Variants in INVS observed in about 807,000 individuals in gnomAD.
The protein encoded by INVS is inversin.
INVS carries 86 observed loss-of-function variants against 108.8 expected under a neutral mutation model. That is an observed-to-expected ratio of 0.79 (90% CI 0.66 to 0.95). The LOEUF (loss-of-function observed/expected upper bound fraction) is 0.95, where lower values mean the gene tolerates loss of function less well. Ranked by LOEUF, INVS falls within the 40% of genes least tolerant of loss-of-function variation. INVS has a pLI of 0.00. For missense variants in INVS, 1,169 were observed against 1,297.4 expected (o/e 0.90, Z 1.52); for synonymous variants, 455 against 473.5 (o/e 0.96, Z 0.51).
In INVS at chr9:100,284,629, C is replaced by T. The variant is rs1254697490; in HGVS notation, c.2068+26C>T. ...GTAGGTGTATTGCCTTTGTCATCTT[C>T]TGCCGGCCCATGGACTGTGGGCTTT... On this transcript the variant is annotated intron_variant, in intron 13 of 16. Transcript: ENST00000262457. The T allele has an allele frequency of 4.4e-6, 7 of 1,608,914 alleles. No individual in the cohort carries two copies. In the African/African-American group the frequency reaches 9.4e-5, roughly 21 times the overall value.
At chr9:100,299,501 C>G (rs1407296193) in intron 16 of INVS, among the ~76,000 whole-genome samples, 1 of 146,502 alleles carries the variant, frequency 6.8e-6, no homozygotes, top group African/African-American at 2.5e-5. Flanking sequence ...TCTTCTACAC[C>G]CAGCCTTGCA....
chr9:100,269,942 A>G (rs1414816946), intron 11 of INVS, among the ~76,000 whole-genome samples: 2 of 152,256 alleles, frequency 1.3e-5, no homozygotes, highest in African/African-American at 4.8e-5. Flanking sequence ...GACCAGGAAC[A>G]TTGCTATCCT....
rs1212450641 is a variant in INVS at position 100,229,648 on chromosome 9, T to C, written c.448-12T>C. ...TTACTGTTGTTATTTCGAGAACCTC[T>C]CGATTTTGCAGCAAACAGCTCTGCA... On this transcript the variant is annotated splice_polypyrimidine_tract_variant and intron_variant, in intron 4 of 16. Transcript: ENST00000262457. 1 of 1,613,580 alleles carries C rather than the reference T, an allele frequency of 6.2e-7. No individual in the cohort carries two copies. Among genetic ancestry groups the C allele is most frequent in the Admixed American group, 1.7e-5 (1 of 60,000 alleles).
intron 3 of INVS, among the ~76,000 whole-genome samples, chr9:100,153,317 A>G (rs1157025296): frequency 6.6e-6 from 1 of 152,068 alleles, no homozygotes; most frequent in Non-Finnish European, 1.5e-5. Flanking sequence ...ATCATTATCA[A>G]AGGTTTAATA....
At chr9:100,229,872 T>C in intron 5 of INVS, 45 bp downstream of exon 5, 2 of 1,583,976 alleles carry the variant, frequency 1.3e-6, no homozygotes, top group Non-Finnish European at 1.7e-6. Flanking sequence ...TTGAAATTTT[T>C]TTATTATGAA....
chr9:100,290,604 G>A (rs1380429271), intron 13 of INVS, among the ~76,000 whole-genome samples: 3 of 152,114 alleles, frequency 2.0e-5, no homozygotes, highest in Admixed American at 6.5e-5. Context: ...TGCCCACCTC[G>A]GCCTCCCAAA....
At chr9:100,272,023 C>T (rs1339489081) in intron 11 of INVS, among the ~76,000 whole-genome samples, 2 of 152,034 alleles carry the variant, frequency 1.3e-5, no homozygotes, top group Non-Finnish European at 2.9e-5. Context: ...TATGTGCCAC[C>T]ATGCCTGGCT....
chr9:100,121,883 C>T (rs2118879788), intron 2 of INVS, among the ~76,000 whole-genome samples: 1 of 152,214 alleles, frequency 6.6e-6, no homozygotes, highest in South Asian at 2.1e-4. Flanking sequence ...GGTGCAAGAA[C>T]CTTACAACAA....
At chr9:100,299,979 C>T (rs1369532603) in intron 16 of INVS, among the ~76,000 whole-genome samples, 1 of 152,110 alleles carries the variant, frequency 6.6e-6, no homozygotes, top group Non-Finnish European at 1.5e-5. Flanking sequence ...CTTATATGCT[C>T]CATAAAAAGT....
chr9:100,266,870 A>C (rs1395709688), intron 11 of INVS, among the ~76,000 whole-genome samples: 3 of 152,148 alleles, frequency 2.0e-5, no homozygotes, highest in Non-Finnish European at 4.4e-5. Flanking sequence ...TCTTTCTATT[A>C]GTTGGTGGAA....
intron 7 of INVS, among the ~76,000 whole-genome samples, chr9:100,245,208 A>C (rs10819748): frequency 6.6e-6 from 1 of 152,086 alleles, no homozygotes; most frequent in Non-Finnish European, 1.5e-5. Context: ...ATGCTGGAAT[A>C]TTAACCCCCA....
chr9:100,204,366 C>T (rs1471103858), intron 3 of INVS, among the ~76,000 whole-genome samples: 1 of 152,118 alleles, frequency 6.6e-6, no homozygotes, highest in African/African-American at 2.4e-5. Context: ...GCATCATATG[C>T]TGGTTTAAAA....
At chr9:100,141,549 C>T (rs531051505) in intron 3 of INVS, among the ~76,000 whole-genome samples, 4 of 152,280 alleles carry the variant, frequency 2.6e-5, no homozygotes, top group South Asian at 2.1e-4. Context: ...AAAATGACCG[C>T]GGTGGCCTTC....
chr9:100,157,915 C>A (rs1322635479), intron 3 of INVS, among the ~76,000 whole-genome samples: 2 of 152,124 alleles, frequency 1.3e-5, no homozygotes, highest in Non-Finnish European at 2.9e-5. Context: ...CTTTTATGGT[C>A]TCCTTTTAAA....
At chr9:100,217,679 C>G (rs1171695646) in intron 3 of INVS, among the ~76,000 whole-genome samples, 2 of 152,132 alleles carry the variant, frequency 1.3e-5, no homozygotes, top group Admixed American at 6.5e-5. Context: ...GTTCTTTGCC[C>G]TGGTGGGTGA....
chr9:100,140,058 T>G (rs905641343), intron 3 of INVS, among the ~76,000 whole-genome samples: 5 of 152,206 alleles, frequency 3.3e-5, no homozygotes, highest in African/African-American at 1.2e-4. Flanking sequence ...TAAAACCACT[T>G]ATCCATTAAA....
intron 2 of INVS, among the ~76,000 whole-genome samples, chr9:100,113,290 A>G (rs550377291): frequency 2.7e-4 from 41 of 152,252 alleles, no homozygotes; most frequent in African/African-American, 9.4e-4. Context: ...CCAATGCAAA[A>G]TTTGCCTCCA....
At chr9:100,129,747 G>A (rs1371174047) in intron 3 of INVS, 8 of 693,574 alleles carry the variant, frequency 1.2e-5, no homozygotes, top group African/African-American at 8.9e-5. Context: ...CACGTAAAGT[G>A]AGTACCACAT....
chr9:100,230,135 G>C (rs981840156), intron 5 of INVS, among the ~76,000 whole-genome samples: 1 of 152,032 alleles, frequency 6.6e-6, no homozygotes, highest in African/African-American at 2.4e-5. Flanking sequence ...TTTCATACTT[G>C]TTTTTATTAA....
Sources: gnomAD v4.1 joint callset for allele counts (sites outside exome capture counted in the v4.1 genomes callset) on GRCh38, gnomAD v4.1.1 for gene constraint, MANE v1.5 for transcripts, NCBI Gene and HGNC (gene_info 2026-07-23, HGNC 2026-07-21) for gene names.